ALMS1: variants seen among roughly 807,000 people sequenced by gnomAD.
The protein encoded by ALMS1 is centrosome-associated protein ALMS1.
A neutral mutation model predicts 352.2 loss-of-function variants in ALMS1; 271 were observed. The observed-to-expected ratio is 0.77, with a 90% CI of 0.70 to 0.85. ALMS1 has a LOEUF of 0.85. ALMS1 is among the 40% of genes least tolerant of loss of function. The probability of loss-of-function intolerance (pLI) is 0.00; values close to 1 mark genes in which losing one functional copy is unlikely to be tolerated. For synonymous variants in ALMS1, 1,865 were observed against 1,761.2 expected (o/e 1.06, Z -1.48); for missense variants, 5,445 against 4,870.7 (o/e 1.12, Z -3.51).
rs746050226 is a variant in ALMS1 at position 73,558,946 on chromosome 2, A to AT, written c.10214-25dup. On this transcript the variant is annotated intron_variant, in intron 14 of 22. Coordinates refer to ENST00000613296, the MANE Select transcript of ALMS1 (RefSeq NM_001378454.1). ...TCTTTTATGTCAAGTTCCTGTCTGT[A>AT]TAGTGTGTTAATTTCCCTTTCGTAG... 5.6e-6 allele frequency: 9 copies of AT among 1,613,030 alleles called. No individual in the cohort carries two copies. The African/African-American group carries it at 1.1e-4, about 19-fold the overall frequency.
intron 9 of ALMS1, among the ~76,000 whole-genome samples, chr2:73,467,103 A>G (rs1002925523): frequency 3.8e-5 from 2 of 52,818 alleles, no homozygotes; most frequent in Non-Finnish European, 3.7e-5. Flanking sequence ...TTCTTAAACA[A>G]GAACAAAAAT....
chr2:73,516,415 A>G (rs1673556075), intron 10 of ALMS1, among the ~76,000 whole-genome samples: 1 of 152,238 alleles, frequency 6.6e-6, no homozygotes. Flanking sequence ...AAACAGAACT[A>G]CCATTCAACT....
At chr2:73,462,982 A>G (rs1672241312) in intron 9 of ALMS1, among the ~76,000 whole-genome samples, 1 of 152,154 alleles carries the variant, frequency 6.6e-6, no homozygotes, top group Admixed American at 6.5e-5. Flanking sequence ...CTACAAAGAG[A>G]CTTAGACTCC....
chr2:73,515,521 G>C (rs544115044), intron 10 of ALMS1, among the ~76,000 whole-genome samples: 4 of 151,766 alleles, frequency 2.6e-5, no homozygotes, highest in Non-Finnish European at 5.9e-5. Context: ...GCATCTAGAG[G>C]GACTAGAAAA....
At chr2:73,497,032 C>G (rs1022934376) in intron 10 of ALMS1, among the ~76,000 whole-genome samples, 2 of 151,994 alleles carry the variant, frequency 1.3e-5, no homozygotes, top group Non-Finnish European at 2.9e-5. Context: ...AAAAGGCTTT[C>G]AAAAAACAAA....
chr2:73,454,682 A>G (rs1391650824), intron 8 of ALMS1, among the ~76,000 whole-genome samples: 1 of 152,190 alleles, frequency 6.6e-6, no homozygotes, highest in Non-Finnish European at 1.5e-5. Flanking sequence ...GTAAGACAAT[A>G]TGGGGAATAT....
intron 1 of ALMS1, among the ~76,000 whole-genome samples, chr2:73,398,869 A>C (rs1433065958): frequency 6.6e-6 from 1 of 151,674 alleles, no homozygotes; most frequent in Non-Finnish European, 1.5e-5. Context: ...TTTGAGATGG[A>C]GTCTGGCACT....
intron 9 of ALMS1, among the ~76,000 whole-genome samples, chr2:73,463,186 A>C (rs564648089): frequency 6.6e-6 from 1 of 152,338 alleles, no homozygotes; most frequent in African/African-American, 2.4e-5. Context: ...ACCTATTCCA[A>C]AACTGACCAC....
intron 1 of ALMS1, among the ~76,000 whole-genome samples, chr2:73,398,571 A>T (rs545232393): frequency 6.6e-6 from 1 of 152,214 alleles, no homozygotes; most frequent in Non-Finnish European, 1.5e-5. Flanking sequence ...GTATTTCATG[A>T]AGTTGAAATA....
At chr2:73,593,873 CAT>C (rs1213495761) in intron 16 of ALMS1, among the ~76,000 whole-genome samples, 2 of 152,322 alleles carry the variant, frequency 1.3e-5, no homozygotes, top group African/African-American at 4.8e-5. Flanking sequence ...ATTCACTTAA[CAT>C]AGTATTTTCA....
At chr2:73,484,665 A>C (rs1672787154) in intron 9 of ALMS1, among the ~76,000 whole-genome samples, 1 of 151,904 alleles carries the variant, frequency 6.6e-6, no homozygotes, top group Admixed American at 6.6e-5. Context: ...TATCCTGCAG[A>C]GTGTTTTCCA....
intron 9 of ALMS1, among the ~76,000 whole-genome samples, chr2:73,485,102 G>A (rs970176275): frequency 2.0e-4 from 31 of 152,268 alleles, no homozygotes; most frequent in African/African-American, 7.0e-4. Flanking sequence ...ATCCAGCTTT[G>A]TTCCATTGCT....
rs2103893441 is a variant in ALMS1, at chr2:73,490,783, A to G, written c.8824A>G (p.Met2942Val). Residue 2942 changes from methionine to valine, a missense_variant, in exon 10 of 23, where the codon ATG becomes GTG. Physicochemically the swap from Met to Val is conservative, Grantham distance 21. Coordinates refer to ENST00000613296, the MANE Select transcript of ALMS1 (RefSeq NM_001378454.1). The part of the protein sequence containing the change: ...QCKAPYVDHQ[M>V]RENHSPLPQG... ...CAAAGCCCCATATGTAGATCATCAAATGAGAGAAAACCATTCTCCCCTTCC... is the reference window on the plus strand; with the variant it reads ...CAAAGCCCCATATGTAGATCATCAAGTGAGAGAAAACCATTCTCCCCTTCC... The G allele has an allele frequency of 1.2e-6, 2 of 1,614,088 alleles. No homozygotes were observed. The highest frequency in any genetic ancestry group is 1.7e-6 in the Non-Finnish European group (2 of 1,180,018).
intron 10 of ALMS1, among the ~76,000 whole-genome samples, chr2:73,493,940 C>T (rs551465899): frequency 2.0e-5 from 3 of 152,218 alleles, no homozygotes; most frequent in South Asian, 2.1e-4. Context: ...CTAAATGTAG[C>T]TTATTTGGGT....
rs1157162394 is a variant in ALMS1 at position 73,490,511 on chromosome 2, G to T, written c.8552G>T (p.Ser2851Ile). The change falls in exon 10 of 23, where the codon AGT (serine) becomes ATT (isoleucine). Residue 2851 changes from serine to isoleucine, a missense_variant. Coordinates refer to ENST00000613296, the MANE Select transcript of ALMS1 (RefSeq NM_001378454.1). The stretch of plus-strand genomic sequence containing the variant: ...ACCCTTATTAGCATGGGCAGACCAA[G>T]TTCCACCCTAGGAGTAAACAGATCG... Reference protein sequence around the residue: ...NHTLISMGRPSSTLGVNRSSS... With the variant: ...NHTLISMGRPISTLGVNRSSS... 6.2e-7 allele frequency: 1 copy of T among 1,614,198 alleles called. No individual in the cohort carries two copies. The highest frequency in any genetic ancestry group is 8.5e-7 in the Non-Finnish European group (1 of 1,180,034).
Position 73,419,168 on chromosome 2 carries a change from CA to C in ALMS1, c.499del (p.Thr167ProfsTer11). ...TCTTCCTCAAGAAATGGACTCTTCC[CA>C]AACCTTGGATACATCCCAGACTAGG... The part of the protein sequence containing the change: ...HCLPQEMDSS[Q>X]TLDTSQTRFN... On this transcript the variant is annotated frameshift_variant, in exon 3 of 23. Coordinates refer to ENST00000613296, the MANE Select transcript of ALMS1 (RefSeq NM_001378454.1). LOFTEE classifies it high-confidence loss of function. 6.2e-7 allele frequency: 1 copy of C among 1,613,996 alleles called. No individual in the cohort carries two copies. The highest frequency in any genetic ancestry group is 8.5e-7 in the Non-Finnish European group (1 of 1,179,948).
At chr2:73,509,877 C>T (rs1268414855) in intron 10 of ALMS1, among the ~76,000 whole-genome samples, 2 of 152,238 alleles carry the variant, frequency 1.3e-5, no homozygotes, top group African/African-American at 2.4e-5. Flanking sequence ...TCCATTCTCC[C>T]TGTCACTTTC....
At chr2:73,574,129 C>A (rs904704364) in intron 16 of ALMS1, among the ~76,000 whole-genome samples, 3 of 152,098 alleles carry the variant, frequency 2.0e-5, no homozygotes, top group African/African-American at 4.8e-5. Context: ...AGAAACATTA[C>A]AGATTTCTGA....
Position 73,490,906 on chromosome 2 carries a change from C to T in ALMS1, c.8947C>T (p.His2983Tyr), listed in dbSNP as rs1672969526. ...APGVDDQMNKHHFPLPQGQDC... is the reference protein window; with the variant it reads ...APGVDDQMNKYHFPLPQGQDC... ...AGGTGTAGATGACCAAATGAATAAA[C>T]ACCATTTTCCCCTTCCTCAAGGTCA... The change falls in exon 10 of 23, where the codon CAC becomes TAC. Residue 2983 changes from histidine (H) to tyrosine (Y), a missense_variant. Transcript: ENST00000613296. 1.2e-6 allele frequency: 2 copies of T among 1,613,640 alleles called. No individual in the cohort carries two copies. Among genetic ancestry groups the T allele is most frequent in the Non-Finnish European group, 1.7e-6 (2 of 1,179,920 alleles).
Sources: allele counts gnomAD v4.1 joint callset (sites outside exome capture counted in the v4.1 genomes callset), GRCh38; gene constraint gnomAD v4.1.1; transcripts MANE v1.5; gene names NCBI Gene and HGNC (gene_info 2026-07-23, HGNC 2026-07-21).